ALMS1: variants seen among roughly 807,000 people sequenced by gnomAD.
The protein encoded by ALMS1 is centrosome-associated protein ALMS1.
In ALMS1, 271 loss-of-function variants were observed where a neutral mutation model predicts 352.2. The observed-to-expected ratio is 0.77, with a 90% CI of 0.70 to 0.85. The LOEUF is 0.85. Ranked by LOEUF, ALMS1 falls within the 40% of genes least tolerant of loss-of-function variation. ALMS1 has a pLI of 0.00. For synonymous variants in ALMS1, 1,865 were observed against 1,761.2 expected, an observed-to-expected ratio of 1.06 and a Z score of -1.48; for missense variants, 5,445 against 4,870.7, an observed-to-expected ratio of 1.12 and a Z score of -3.51.
chr2:73,464,017 C>G (rs9678093), intron 9 of ALMS1, among the ~76,000 whole-genome samples: 1 of 151,920 alleles, frequency 6.6e-6, no homozygotes, highest in Non-Finnish European at 1.5e-5. Flanking sequence ...ACCAGAGGTA[C>G]AAAGAGGAGC....
chr2:73,600,166 G>T (rs1167967284), intron 17 of ALMS1, among the ~76,000 whole-genome samples: 1 of 152,182 alleles, frequency 6.6e-6, no homozygotes, highest in African/African-American at 2.4e-5. Flanking sequence ...TGTGCAAAAC[G>T]AATTCTCTGG....
intron 10 of ALMS1, among the ~76,000 whole-genome samples, chr2:73,497,301 A>G (rs1335397269): frequency 2.0e-5 from 3 of 151,836 alleles, no homozygotes; most frequent in African/African-American, 7.3e-5. Context: ...TTTAATTTTT[A>G]AATTTTCATT....
chr2:73,486,230 C>A (rs532187237), intron 9 of ALMS1, among the ~76,000 whole-genome samples: 2 of 152,058 alleles, frequency 1.3e-5, no homozygotes, highest in Admixed American at 1.3e-4. Flanking sequence ...ATGAGGTTTG[C>A]AAATATTTTC....
At chr2:73,506,809 A>G (rs575202076) in intron 10 of ALMS1, among the ~76,000 whole-genome samples, 4 of 152,310 alleles carry the variant, frequency 2.6e-5, no homozygotes, top group African/African-American at 9.6e-5. Context: ...AGAACTTCCA[A>G]TACTGTGTTG....
At chr2:73,445,190 A>G (rs1671786265) in intron 7 of ALMS1, among the ~76,000 whole-genome samples, 1 of 152,166 alleles carries the variant, frequency 6.6e-6, no homozygotes, top group Non-Finnish European at 1.5e-5. Context: ...TGTAATAATC[A>G]CATCAAGGTA....
At chr2:73,526,717 A>G (rs1247551994) in intron 11 of ALMS1, among the ~76,000 whole-genome samples, 1 of 152,158 alleles carries the variant, frequency 6.6e-6, no homozygotes, top group African/African-American at 2.4e-5. Flanking sequence ...ATTTGCAAAC[A>G]AGGATAATTT....
chr2:73,501,204 TAATA>T (rs1673212322), intron 10 of ALMS1, among the ~76,000 whole-genome samples: 3 of 152,178 alleles, frequency 2.0e-5, no homozygotes, highest in Admixed American at 1.3e-4. Flanking sequence ...GGAATTTTTA[TAATA>T]TATTCCAGAT....
intron 10 of ALMS1, among the ~76,000 whole-genome samples, chr2:73,511,636 A>G (rs1456005840): frequency 2.6e-5 from 4 of 152,146 alleles, no homozygotes; most frequent in Admixed American, 6.5e-5. Flanking sequence ...GGAATCCCTC[A>G]TGTACTTGTT....
chr2:73,547,100 A>G (rs1207809431), intron 12 of ALMS1, among the ~76,000 whole-genome samples: 5 of 152,242 alleles, frequency 3.3e-5, no homozygotes, highest in Non-Finnish European at 5.9e-5. Context: ...TTGATACTGT[A>G]TTATAAAATA....
chr2:73,419,795 T>A (rs889596478), intron 3 of ALMS1, among the ~76,000 whole-genome samples: 2 of 152,218 alleles, frequency 1.3e-5, no homozygotes, highest in Non-Finnish European at 2.9e-5. Flanking sequence ...CTGAGGTAGA[T>A]CTTGCTGCTT....
intron 16 of ALMS1, among the ~76,000 whole-genome samples, chr2:73,590,002 G>C (rs183934179): frequency 2.0e-5 from 3 of 151,062 alleles, no homozygotes; most frequent in Admixed American, 2.0e-4. Context: ...ATTTTTATCA[G>C]AACACTAGTA....
chr2:73,413,400 G>A (rs534804251), intron 2 of ALMS1, among the ~76,000 whole-genome samples: 1 of 152,180 alleles, frequency 6.6e-6, no homozygotes, highest in Admixed American at 6.5e-5. Context: ...ATGTCACTGA[G>A]ATTTTTCTTC....
intron 9 of ALMS1, chr2:73,469,557 A>G (rs549960237): frequency 5.7e-4 from 86 of 152,082 alleles, no homozygotes; most frequent in African/African-American, 2.0e-3. Flanking sequence ...ATTAAACAGA[A>G]GCGTGTAACA....
At position 73,490,823 on chromosome 2, in the gene ALMS1, C is replaced by G. The variant is rs1248081824; in HGVS notation, c.8864C>G (p.Ser2955Cys). The G allele has an allele frequency of 1.9e-6, 3 of 1,613,878 alleles. No individual in the cohort carries two copies. The East Asian group carries it at 6.7e-5, about 36-fold the overall frequency. The change falls in exon 10 of 23, where the codon TCT (serine) becomes TGT (cysteine). Residue 2955 changes from serine to cysteine, a missense_variant. Coordinates refer to ENST00000613296, the MANE Select transcript of ALMS1 (RefSeq NM_001378454.1). ...NHSPLPQGQD[S>C]IASDLPSPIS... Reference sequence around the variant, plus strand: ...TCTCCCCTTCCTCAAGGTCAGGATTCTATAGCTTCAGACCTTCCGTCTCCC... The same window carrying G: ...TCTCCCCTTCCTCAAGGTCAGGATTGTATAGCTTCAGACCTTCCGTCTCCC...
rs546669517 is a variant in ALMS1 at position 73,422,864 on chromosome 2, A to G, written c.654A>G (p.Gln218=). The part of the protein sequence containing the change: ...DLFCSPLLVI[Q]DSFASPDLPL... ...ATATTTGAAACTTTACAGTCATACA[A>G]GATAGCTTTGCTTCTCCTGATTTGC... The change falls in exon 4 of 23, where the codon CAA becomes CAG. Residue 218 remains glutamine (Q), a synonymous_variant. Coordinates refer to ENST00000613296, the MANE Select transcript of ALMS1 (RefSeq NM_001378454.1). 2 of 1,611,804 alleles carry G rather than the reference A, an allele frequency of 1.2e-6. No individual in the cohort carries two copies. The highest frequency in any genetic ancestry group is 4.5e-5 in the East Asian group (2 of 44,860).
At position 73,609,717 on chromosome 2, in the gene ALMS1, A is replaced by G. The variant is rs553541249; in HGVS notation, c.*105A>G. 2,430 of 1,165,752 alleles carry G rather than the reference A, an allele frequency of 2.1e-3. 5 individuals are homozygous for G. Among genetic ancestry groups the G allele is most frequent in the Middle Eastern group, 4.6e-3 (23 of 4,972 alleles). 72.2% of individuals were successfully genotyped at this position (1,165,752 alleles called of 1,614,324 possible). A position where few individuals can be genotyped will look rare whatever the true frequency, so the allele number is the denominator to read the frequency against. ...GTTGAATAAAGCTTATTCTTTGTCC[A>G]TGTGTATTTTAGAAATAGTAACTTC... On this transcript the variant is annotated 3_prime_UTR_variant, in exon 23 of 23. Coordinates refer to ENST00000613296, the MANE Select transcript of ALMS1 (RefSeq NM_001378454.1).
intron 15 of ALMS1, among the ~76,000 whole-genome samples, chr2:73,570,517 G>A (rs1674904419): frequency 6.6e-6 from 1 of 152,062 alleles, no homozygotes; most frequent in Non-Finnish European, 1.5e-5. Flanking sequence ...GTAAAGGAGA[G>A]GAAAATAGGT....
chr2:73,598,800 A>C (rs1352751125), intron 16 of ALMS1, among the ~76,000 whole-genome samples: 2 of 152,210 alleles, frequency 1.3e-5, no homozygotes, highest in African/African-American at 4.8e-5. Context: ...ATATCTTGTT[A>C]ATCATTTTGT....
chr2:73,532,754 A>G (rs1220629319), intron 11 of ALMS1, among the ~76,000 whole-genome samples: 1 of 152,118 alleles, frequency 6.6e-6, no homozygotes, highest in East Asian at 1.9e-4. Flanking sequence ...AAGCTGCAAA[A>G]CAAAGTCCTA....
Sources: allele counts gnomAD v4.1 joint callset (sites outside exome capture counted in the v4.1 genomes callset), GRCh38; gene constraint gnomAD v4.1.1; transcripts MANE v1.5; gene names NCBI Gene and HGNC (gene_info 2026-07-23, HGNC 2026-07-21).